The following CSMD3 variants were observed in gnomAD, a reference collection of about 807,000 sequenced individuals.
CSMD3 encodes CUB and Sushi multiple domains 3.
A neutral mutation model predicts 435.2 loss-of-function variants in CSMD3; 177 were observed. The observed-to-expected ratio is 0.41, with a 90% CI of 0.36 to 0.46. The LOEUF (loss-of-function observed/expected upper bound fraction) is 0.46. Ranked by LOEUF, CSMD3 falls within the 20% of genes least tolerant of loss-of-function variation. The pLI is 0.34. For missense variants in CSMD3, 4,265 were observed against 4,504.6 expected, an observed-to-expected ratio of 0.95 and a Z score of 1.52; for synonymous variants, 1,656 against 1,520.5, an observed-to-expected ratio of 1.09 and a Z score of -2.07.
At chr8:112,589,017 A>G (rs4480145) in intron 22 of CSMD3, among the ~76,000 whole-genome samples, 87,808 of 151,940 alleles carry the variant, frequency 0.58, 25,957 homozygotes, top group African/African-American at 0.69. Context: ...TATTTAGAAG[A>G]GAATGCAAAT....
At chr8:113,360,339 A>T (rs1280772443) in intron 1 of CSMD3, among the ~76,000 whole-genome samples, 1 of 152,084 alleles carries the variant, frequency 6.6e-6, no homozygotes, top group Non-Finnish European at 1.5e-5. Context: ...TATTTTATCA[A>T]GTATAAGGAA....
intron 4 of CSMD3, among the ~76,000 whole-genome samples, chr8:113,154,748 A>G (rs1322377207): frequency 6.6e-6 from 1 of 152,052 alleles, no homozygotes; most frequent in African/African-American, 2.4e-5. Flanking sequence ...AAGGATGAAA[A>G]GAGGCTAGGC....
intron 27 of CSMD3, among the ~76,000 whole-genome samples, chr8:112,528,871 T>C (rs535159293): frequency 2.6e-5 from 4 of 152,034 alleles, no homozygotes; most frequent in African/African-American, 9.6e-5. Flanking sequence ...CCCCAACCAT[T>C]CCAAGAGGAC....
At position 112,346,225 on chromosome 8, in the gene CSMD3, C is replaced by A. The variant is rs2131024425; in HGVS notation, c.6326-12G>T. The stretch of plus-strand genomic sequence containing the variant: ...ACCACCACACTGAGCTGCAAAATAA[C>A]AGAAATCCAAAGTAAACCAGAGTAG... On this transcript the variant is annotated splice_polypyrimidine_tract_variant and intron_variant, in intron 40 of 70. Coordinates refer to ENST00000297405, the MANE Select transcript of CSMD3 (RefSeq NM_198123.2). 1 of 1,494,278 alleles carries A rather than the reference C, an allele frequency of 6.7e-7. No homozygotes were observed. Among genetic ancestry groups the A allele is most frequent in the Non-Finnish European group, 9.3e-7 (1 of 1,070,622 alleles). The allele number at this position is 1,494,278 out of a possible 1,614,324, so 92.6% of individuals were successfully genotyped here. A position where few individuals can be genotyped will look rare whatever the true frequency, so the allele number is the denominator to read the frequency against.
chr8:112,346,170 G>A lies in CSMD3; in HGVS notation c.6369C>T (p.Leu2123=), dbSNP rs777227803. 12 of 1,613,638 alleles carry A rather than the reference G, an allele frequency of 7.4e-6. No individual in the cohort carries two copies. The South Asian group carries it at 1.3e-4, about 18-fold the overall frequency. ...GATAGTTTCCAGGAAACCCAGGACT[G>A]AGGATCACACCACTGAAGTCTGACA... ...GAMSDFSGVI[L]SPGFPGNYPS... is the part of the protein sequence containing the mutation. The change falls in exon 41 of 71, where the codon CTC becomes CTT. Residue 2123 remains leucine, a synonymous_variant. Coordinates refer to ENST00000297405, the MANE Select transcript of CSMD3 (RefSeq NM_198123.2).
intron 13 of CSMD3, among the ~76,000 whole-genome samples, chr8:112,781,375 G>T (rs55910345): frequency 0.017 from 2,660 of 152,130 alleles, 76 homozygotes; most frequent in African/African-American, 0.061. Context: ...AAAGAACTTT[G>T]TCTTGCAACT....
chr8:113,337,494 G>A (rs538811976), intron 1 of CSMD3, among the ~76,000 whole-genome samples: 21 of 152,156 alleles, frequency 1.4e-4, no homozygotes, highest in South Asian at 6.2e-4. Flanking sequence ...ACTCAAAAAG[G>A]ACAACAGAAC....
At chr8:112,680,889 G>A (rs764404405) in intron 16 of CSMD3, among the ~76,000 whole-genome samples, 3 of 152,038 alleles carry the variant, frequency 2.0e-5, no homozygotes, top group Non-Finnish European at 4.4e-5. Flanking sequence ...AGTCAGTTTG[G>A]AGACAGGTAA....
chr8:113,020,063 T>G (rs1349062946), intron 5 of CSMD3, among the ~76,000 whole-genome samples: 1 of 146,442 alleles, frequency 6.8e-6, no homozygotes, highest in Non-Finnish European at 1.5e-5. Context: ...CTCGGGAGGC[T>G]GAGGCAGGAG....
At chr8:112,747,665 T>G (rs776528455) in intron 13 of CSMD3, among the ~76,000 whole-genome samples, 3 of 152,180 alleles carry the variant, frequency 2.0e-5, no homozygotes, top group Admixed American at 1.3e-4. Flanking sequence ...TGGCTGTGTC[T>G]CTATAAAACT....
At chr8:113,119,801 AAC>A (rs1375586333) in intron 4 of CSMD3, among the ~76,000 whole-genome samples, 1 of 152,118 alleles carries the variant, frequency 6.6e-6, no homozygotes, top group African/African-American at 2.4e-5. Flanking sequence ...GGGAATGCAA[AAC>A]ACACATTAAA....
intron 35 of CSMD3, among the ~76,000 whole-genome samples, chr8:112,397,665 T>C (rs1282954229): frequency 6.6e-6 from 1 of 152,144 alleles, no homozygotes; most frequent in Non-Finnish European, 1.5e-5. Context: ...GAGATCTCTC[T>C]GGGGTCTCTT....
At position 113,355,919 on chromosome 8, in the gene CSMD3, T is replaced by G. The variant is rs529781309; in HGVS notation, c.179-41126A>C. Among the ~76,000 whole-genome samples, 154 of 150,604 alleles carry G rather than the reference T, an allele frequency of 1.0e-3. 1 individual carries two copies. The highest frequency in any genetic ancestry group is 1.8e-3 in the Non-Finnish European group (121 of 67,666). ...AGTTGTACATAATATTAGTTGAATC[T>G]GAGTAGAAGTGGAATTGTATACTTA... On this transcript the variant is annotated intron_variant, in intron 1 of 70. Transcript: ENST00000297405.
chr8:112,478,454 C>T (rs1586458012), intron 31 of CSMD3, among the ~76,000 whole-genome samples: 1 of 152,134 alleles, frequency 6.6e-6, no homozygotes, highest in Admixed American at 6.5e-5. Flanking sequence ...ATGAGGAAGT[C>T]ATTGGGAATT....
At chr8:113,280,689 T>A (rs1375700196) in intron 2 of CSMD3, among the ~76,000 whole-genome samples, 1 of 152,014 alleles carries the variant, frequency 6.6e-6, no homozygotes, top group Non-Finnish European at 1.5e-5. Context: ...TTTCCTTTCT[T>A]CTACCGGCTT....
At chr8:112,944,357 T>C (rs1245753012) in intron 9 of CSMD3, among the ~76,000 whole-genome samples, 1 of 151,708 alleles carries the variant, frequency 6.6e-6, no homozygotes, top group Non-Finnish European at 1.5e-5. Flanking sequence ...TGGGATCCCA[T>C]TTATTTTCTC....
intron 22 of CSMD3, among the ~76,000 whole-genome samples, chr8:112,634,879 G>A (rs1275792271): frequency 6.6e-6 from 1 of 151,578 alleles, no homozygotes; most frequent in Non-Finnish European, 1.5e-5. Flanking sequence ...ATTGGGCTTT[G>A]GAATGAAACA....
At chr8:112,516,451 G>T (rs993669980) in intron 28 of CSMD3, among the ~76,000 whole-genome samples, 3 of 152,078 alleles carry the variant, frequency 2.0e-5, no homozygotes, top group Admixed American at 6.6e-5. Flanking sequence ...GTCTTTCTCA[G>T]ACCAAATCAT....
At chr8:112,649,522 G>A (rs2075067920) in intron 19 of CSMD3, among the ~76,000 whole-genome samples, 1 of 152,178 alleles carries the variant, frequency 6.6e-6, no homozygotes, top group African/African-American at 2.4e-5. Flanking sequence ...TTTACATTGA[G>A]TGTGCTTTTT....
Sources: allele counts gnomAD v4.1 joint callset (sites outside exome capture counted in the v4.1 genomes callset), GRCh38; gene constraint gnomAD v4.1.1; transcripts MANE v1.5; gene names NCBI Gene and HGNC (gene_info 2026-07-23, HGNC 2026-07-21).